Variants in DRC11 observed in about 807,000 individuals in gnomAD.
The protein encoded by DRC11 is IQ and AAA domain-containing protein 1.
the DRC11 span, among the ~76,000 whole-genome samples, chr2:236,307,318 A>G: frequency 5.1e-3 from 784 of 152,284 alleles, 12 homozygotes; most frequent in African/African-American, 0.018. This position sits in a 1 kb window ranked among gnomAD's most constrained non-coding sequence, Gnocchi z 7.0. Flanking sequence ...CCCCAGGCTT[A>G]GAGGCCCGCG....
the DRC11 span, among the ~76,000 whole-genome samples, chr2:236,493,129 T>A: frequency 1.3e-5 from 2 of 152,130 alleles, no homozygotes; most frequent in Non-Finnish European, 2.9e-5. Context: ...AAGGCACATC[T>A]CATATGGCGG....
the DRC11 span, among the ~76,000 whole-genome samples, chr2:236,416,733 A>ATATATATATATATTTT: frequency 9.6e-4 from 45 of 46,824 alleles, no homozygotes; most frequent in Non-Finnish European, 1.6e-3. Flanking sequence ...ATATATATAT[A>ATATATATATATATTTT]TATATATATA....
chr2:236,495,562 G>A, the DRC11 span, among the ~76,000 whole-genome samples: 1 of 152,096 alleles, frequency 6.6e-6, no homozygotes, highest in Non-Finnish European at 1.5e-5. The surrounding 1 kb of genome is among the most constrained non-coding windows in gnomAD (Gnocchi z 5.6). Flanking sequence ...TCTATGAGGT[G>A]GGCCCATTAG....
At chr2:236,475,972 C>T in the DRC11 span, among the ~76,000 whole-genome samples, 1 of 152,026 alleles carries the variant, frequency 6.6e-6, no homozygotes, top group Non-Finnish European at 1.5e-5. The surrounding 1 kb of genome is among the most constrained non-coding windows in gnomAD (Gnocchi z 4.8). Context: ...TGGTTACTAC[C>T]GTTTTGTAGT....
the DRC11 span, among the ~76,000 whole-genome samples, chr2:236,469,647 A>G: frequency 6.6e-6 from 1 of 152,172 alleles, no homozygotes; most frequent in Non-Finnish European, 1.5e-5. The surrounding 1 kb of genome is among the most constrained non-coding windows in gnomAD (Gnocchi z 5.8). Context: ...ACAAAAATAC[A>G]TTTGGGTAAT....
chr2:236,458,019 T>C, the DRC11 span, among the ~76,000 whole-genome samples: 2 of 152,222 alleles, frequency 1.3e-5, no homozygotes, highest in Non-Finnish European at 1.5e-5. Flanking sequence ...TGCTCAGTAA[T>C]TGTGAGTCTC....
chr2:236,331,786 A>C, the DRC11 span: 3 of 589,216 alleles, frequency 5.1e-6, no homozygotes, highest in Non-Finnish European at 9.1e-6. The surrounding 1 kb of genome is among the most constrained non-coding windows in gnomAD (Gnocchi z 4.8). Context: ...TTCAACCATA[A>C]GCCATACATA....
the DRC11 span, chr2:236,369,248 G>A: frequency 6.6e-6 from 1 of 152,208 alleles, no homozygotes; most frequent in African/African-American, 2.4e-5. The surrounding 1 kb of genome is among the most constrained non-coding windows in gnomAD (Gnocchi z 4.5). Context: ...AAGCTTTTAA[G>A]TATTTTCAAA....
chr2:236,467,620 T>C, the DRC11 span, among the ~76,000 whole-genome samples: 1 of 152,178 alleles, frequency 6.6e-6, no homozygotes, highest in African/African-American at 2.4e-5. Flanking sequence ...CCTGCACCAA[T>C]AGCTAAGTGG....
At chr2:236,418,167 T>G in the DRC11 span, among the ~76,000 whole-genome samples, 1 of 152,212 alleles carries the variant, frequency 6.6e-6, no homozygotes, top group African/African-American at 2.4e-5. Flanking sequence ...TCCACAATGG[T>G]TGAACTAATT....
At chr2:236,356,789 G>A in the DRC11 span, among the ~76,000 whole-genome samples, 12 of 151,466 alleles carry the variant, frequency 7.9e-5, no homozygotes, top group South Asian at 1.0e-3. Context: ...GGGGGGTGGC[G>A]GGGGTGGTAG....
the DRC11 span, among the ~76,000 whole-genome samples, chr2:236,411,288 T>C: frequency 9.7e-4 from 147 of 151,866 alleles, no homozygotes; most frequent in African/African-American, 3.1e-3. Flanking sequence ...AAAAAACACA[T>C]GAAAAAATGC....
At chr2:236,489,502 G>T in the DRC11 span, among the ~76,000 whole-genome samples, 1 of 152,166 alleles carries the variant, frequency 6.6e-6, no homozygotes, top group East Asian at 1.9e-4. Context: ...CTCTGAGCAG[G>T]CTCAATGGGA....
chr2:236,498,829 G>C, the DRC11 span, among the ~76,000 whole-genome samples: 2 of 152,148 alleles, frequency 1.3e-5, no homozygotes, highest in African/African-American at 4.8e-5. Flanking sequence ...TCATGGTAGA[G>C]ATTCCCACCT....
the DRC11 span, among the ~76,000 whole-genome samples, chr2:236,348,358 C>T: frequency 6.6e-6 from 1 of 152,164 alleles, no homozygotes; most frequent in African/African-American, 2.4e-5. The surrounding 1 kb of genome is among the most constrained non-coding windows in gnomAD (Gnocchi z 7.4). Context: ...CTGATCCCGG[C>T]TGGGCACCAT....
chr2:236,472,851 T>C, the DRC11 span, among the ~76,000 whole-genome samples: 10 of 152,252 alleles, frequency 6.6e-5, no homozygotes, highest in East Asian at 1.2e-3. The surrounding 1 kb of genome is among the most constrained non-coding windows in gnomAD (Gnocchi z 4.6). Context: ...TCTGTCTGCC[T>C]GGGAAGCGCA....
chr2:236,399,678 C>G, the DRC11 span, among the ~76,000 whole-genome samples: 1 of 152,178 alleles, frequency 6.6e-6, no homozygotes, highest in Non-Finnish European at 1.5e-5. The surrounding 1 kb of genome is among the most constrained non-coding windows in gnomAD (Gnocchi z 7.0). Context: ...TCCAGGCTCA[C>G]CGAAGCATCC....
At chr2:236,445,499 CT>C in the DRC11 span, among the ~76,000 whole-genome samples, 494 of 144,088 alleles carry the variant, frequency 3.4e-3, 12 homozygotes, top group East Asian at 0.049. This position sits in a 1 kb window ranked among gnomAD's most constrained non-coding sequence, Gnocchi z 4.8. Context: ...TGCTTGACTA[CT>C]TTTTTTTTTT....
the DRC11 span, chr2:236,465,444 A>G: frequency 2.1e-6 from 3 of 1,424,064 alleles, no homozygotes; most frequent in East Asian, 2.3e-5. This position sits in a 1 kb window ranked among gnomAD's most constrained non-coding sequence, Gnocchi z 6.2. Flanking sequence ...GCTTAAAAAC[A>G]TACAATAACC....
Sources: allele counts gnomAD v4.1 joint callset (sites outside exome capture counted in the v4.1 genomes callset), GRCh38; gene constraint gnomAD v4.1.1; non-coding constraint Gnocchi (gnomAD v3.1); transcripts MANE v1.5; gene names NCBI Gene and HGNC (gene_info 2026-07-23, HGNC 2026-07-21).